IMMP2L: variants seen among roughly 807,000 people sequenced by gnomAD.
IMMP2L encodes the protein inner mitochondrial membrane peptidase subunit 2, also known as mitochondrial inner membrane protease subunit 2.
IMMP2L carries 18 observed loss-of-function variants against 19.3 expected under a neutral mutation model. That is an observed-to-expected ratio of 0.93 (90% CI 0.64 to 1.38). The LOEUF is 1.38. IMMP2L is among the 40% of genes most tolerant of loss of function. IMMP2L has a pLI of 0.00. For synonymous variants in IMMP2L, 76 were observed against 73.0 expected, an observed-to-expected ratio of 1.04 and a Z score of -0.21; for missense variants, 233 against 218.2, an observed-to-expected ratio of 1.07 and a Z score of -0.43.
intron 3 of IMMP2L, among the ~76,000 whole-genome samples, chr7:111,177,174 T>C (rs1586699961): frequency 6.6e-6 from 1 of 152,144 alleles, no homozygotes; most frequent in East Asian, 1.9e-4. Flanking sequence ...TGCTTTTATT[T>C]TTTCATTTTT....
At chr7:111,141,396 T>C (rs1802869947) in intron 3 of IMMP2L, among the ~76,000 whole-genome samples, 1 of 152,092 alleles carries the variant, frequency 6.6e-6, no homozygotes, top group Non-Finnish European at 1.5e-5. Context: ...TTATTATAAA[T>C]TATTAGACCT....
intron 3 of IMMP2L, among the ~76,000 whole-genome samples, chr7:111,343,331 T>C (rs1827214384): frequency 6.6e-6 from 1 of 152,066 alleles, no homozygotes; most frequent in Non-Finnish European, 1.5e-5. Context: ...TTCTCTAGTC[T>C]CTCTGAACTA....
At chr7:111,179,373 T>A (rs1221370510) in intron 3 of IMMP2L, among the ~76,000 whole-genome samples, 1 of 152,098 alleles carries the variant, frequency 6.6e-6, no homozygotes, top group East Asian at 1.9e-4. Context: ...TTATGAGATT[T>A]TTTTGCAATT....
At chr7:111,364,885 G>A (rs954849638) in intron 3 of IMMP2L, among the ~76,000 whole-genome samples, 2 of 150,224 alleles carry the variant, frequency 1.3e-5, no homozygotes, top group African/African-American at 4.9e-5. Context: ...CAGGAGAATC[G>A]CTTGAACCCA....
At chr7:110,814,700 G>GATATATAT (rs143894798) in intron 5 of IMMP2L, among the ~76,000 whole-genome samples, 331 of 143,966 alleles carry the variant, frequency 2.3e-3, no homozygotes, top group South Asian at 5.0e-3. Flanking sequence ...GTCAAGTACA[G>GATATATAT]ATATATATAT....
At chr7:111,256,665 C>T (rs1462368579) in intron 3 of IMMP2L, among the ~76,000 whole-genome samples, 1 of 151,914 alleles carries the variant, frequency 6.6e-6, no homozygotes, top group Non-Finnish European at 1.5e-5. Flanking sequence ...TCTTTTAAAT[C>T]GAGTAAAAGG....
At chr7:111,287,201 C>A (rs1820583406) in intron 3 of IMMP2L, among the ~76,000 whole-genome samples, 1 of 152,160 alleles carries the variant, frequency 6.6e-6, no homozygotes, top group Non-Finnish European at 1.5e-5. Flanking sequence ...GCATAAGAAA[C>A]AACCTTACTT....
intron 3 of IMMP2L, among the ~76,000 whole-genome samples, chr7:111,243,230 T>A (rs1337605511): frequency 2.6e-5 from 4 of 152,000 alleles, no homozygotes; most frequent in Non-Finnish European, 5.9e-5. Flanking sequence ...AAGTATTTAT[T>A]ATATATTGAA....
At chr7:110,686,533 G>T (rs1049190639) in intron 5 of IMMP2L, among the ~76,000 whole-genome samples, 1 of 151,762 alleles carries the variant, frequency 6.6e-6, no homozygotes, top group Non-Finnish European at 1.5e-5. Context: ...CAAAATGCAG[G>T]TATCACACCA....
chr7:111,421,692 T>C (rs1835571508), intron 3 of IMMP2L, among the ~76,000 whole-genome samples: 1 of 151,814 alleles, frequency 6.6e-6, no homozygotes, highest in Admixed American at 6.5e-5. Flanking sequence ...CTGATGGTAG[T>C]TTCTTTTGCC....
At chr7:111,148,745 C>T (rs1041705881) in intron 3 of IMMP2L, among the ~76,000 whole-genome samples, 2 of 151,124 alleles carry the variant, frequency 1.3e-5, no homozygotes, top group Admixed American at 6.6e-5. Context: ...GGATGACATA[C>T]GTGTATGTGT....
intron 3 of IMMP2L, among the ~76,000 whole-genome samples, chr7:111,085,988 G>T (rs1796291222): frequency 6.6e-6 from 1 of 152,052 alleles, no homozygotes; most frequent in South Asian, 2.1e-4. Context: ...TGGGAGGAGG[G>T]GGAGGATCAG....
intron 5 of IMMP2L, among the ~76,000 whole-genome samples, chr7:110,818,192 G>A (rs1402842479): frequency 6.6e-6 from 1 of 151,934 alleles, no homozygotes; most frequent in Non-Finnish European, 1.5e-5. Flanking sequence ...CAAAATGGGA[G>A]AAAATTTTCG....
chr7:110,670,227 A>C (rs1344458701), intron 5 of IMMP2L, among the ~76,000 whole-genome samples: 1 of 152,222 alleles, frequency 6.6e-6, no homozygotes, highest in Non-Finnish European at 1.5e-5. Flanking sequence ...AGAAGGTGGC[A>C]TCAACAGCCA....
intron 3 of IMMP2L, among the ~76,000 whole-genome samples, chr7:111,282,588 T>C (rs1771236924): frequency 6.6e-6 from 1 of 150,452 alleles, no homozygotes. Context: ...CTTTTTTTGA[T>C]TTTTTTTTTC....
At chr7:111,320,190 C>A (rs988692580) in intron 3 of IMMP2L, among the ~76,000 whole-genome samples, 6 of 151,996 alleles carry the variant, frequency 3.9e-5, no homozygotes, top group African/African-American at 1.4e-4. Flanking sequence ...ACTGTCCTAC[C>A]AAGACAGAAG....
chr7:111,505,891 A>G (rs1844846223), intron 2 of IMMP2L, among the ~76,000 whole-genome samples: 1 of 152,138 alleles, frequency 6.6e-6, no homozygotes, highest in African/African-American at 2.4e-5. Context: ...TAATGGGTGC[A>G]GCACACCAAC....
intron 3 of IMMP2L, among the ~76,000 whole-genome samples, chr7:110,981,774 T>C (rs1400382914): frequency 2.0e-5 from 3 of 152,130 alleles, no homozygotes; most frequent in South Asian, 4.1e-4. Flanking sequence ...ATGGAACCTC[T>C]TTCTCTAAAT....
chr7:110,761,508 G>A (rs149662319), intron 5 of IMMP2L, among the ~76,000 whole-genome samples: 296 of 152,228 alleles, frequency 1.9e-3, no homozygotes, highest in African/African-American at 5.8e-3. Context: ...TATTCTACAG[G>A]AAGGATTCAC....
Sources: allele counts gnomAD v4.1 joint callset (sites outside exome capture counted in the v4.1 genomes callset), GRCh38; gene constraint gnomAD v4.1.1; transcripts MANE v1.5; gene names NCBI Gene and HGNC (gene_info 2026-07-23, HGNC 2026-07-21).